Variants in CCDC171 observed in about 807,000 individuals in gnomAD.
CCDC171 encodes the protein coiled-coil domain-containing protein 171.
In CCDC171, 177 loss-of-function variants were observed where a neutral mutation model predicts 168.2. That is an observed-to-expected ratio of 1.05 (90% CI 0.93 to 1.19). The LOEUF (loss-of-function observed/expected upper bound fraction) is 1.19, where lower values mean the gene tolerates loss of function less well. CCDC171 is among the 50% of genes most tolerant of loss of function. CCDC171 has a pLI of 0.00. For synonymous variants in CCDC171, 687 were observed against 540.8 expected, an observed-to-expected ratio of 1.27 and a Z score of -3.75; for missense variants, 1,991 against 1,539.0, an observed-to-expected ratio of 1.29 and a Z score of -4.91.
At chr9:15,776,249 C>T (rs555165265) in intron 18 of CCDC171, 9 of 152,176 alleles carry the variant, frequency 5.9e-5, no homozygotes, top group East Asian at 3.9e-4. Context: ...TTCTCTGTAT[C>T]GTTCCAATTT....
At chr9:15,960,313 T>A (rs1830219876) in intron 25 of CCDC171, among the ~76,000 whole-genome samples, 1 of 152,150 alleles carries the variant, frequency 6.6e-6, no homozygotes, top group South Asian at 2.1e-4. Context: ...TTAATTCACT[T>A]TTGTATTCCA....
rs2038479992 is a variant in CCDC171, at chr9:15,553,225, G to A, written c.-189G>A. 1 of 153,142 alleles carries A rather than the reference G, an allele frequency of 6.5e-6. No individual in the cohort carries two copies. The highest frequency in any genetic ancestry group is 1.5e-5 in the Non-Finnish European group (1 of 68,864). The allele number at this position is 153,142 out of a possible 1,614,324, so 9.5% of individuals were successfully genotyped here. On this transcript the variant is annotated 5_prime_UTR_variant, in exon 1 of 26. Coordinates refer to ENST00000380701, the MANE Select transcript of CCDC171 (RefSeq NM_173550.4). The stretch of plus-strand genomic sequence containing the variant: ...TGCTCTTATTCCCGTGGGCTGCCTG[G>A]GCCTCCTTTCACCCGTGAGACTTGG...
intron 8 of CCDC171, among the ~76,000 whole-genome samples, chr9:15,664,846 G>A (rs1022507983): frequency 1.3e-5 from 2 of 151,588 alleles, no homozygotes; most frequent in East Asian, 2.0e-4. Context: ...TTACAGGCAC[G>A]CACCACCACG....
At chr9:16,082,825 G>T in the CCDC171 span, among the ~76,000 whole-genome samples, 4 of 152,178 alleles carry the variant, frequency 2.6e-5, no homozygotes, top group African/African-American at 9.7e-5. Flanking sequence ...TTCCGAGAAA[G>T]CTTTGGTTTT....
In CCDC171 at chr9:15,598,359, C is replaced by T. The variant is rs535224895; in HGVS notation, c.675+4187C>T. Reference sequence around the variant, plus strand: ...TTCTGGTATGTTGTGTCTTTGTTCTCGTTGGTTTCAAAGAACATCTTTTTT... The same window carrying T: ...TTCTGGTATGTTGTGTCTTTGTTCTTGTTGGTTTCAAAGAACATCTTTTTT... On this transcript the variant is annotated intron_variant, in intron 6 of 25. Transcript: ENST00000380701. 2.0e-4 allele frequency among the ~76,000 whole-genome samples: 30 copies of T among 152,102 alleles called. No homozygotes were observed. The East Asian group carries it at 3.7e-3, about 19-fold the overall frequency.
At chr9:15,676,462 C>T (rs1045792251) in intron 9 of CCDC171, among the ~76,000 whole-genome samples, 1 of 151,704 alleles carries the variant, frequency 6.6e-6, no homozygotes, top group African/African-American at 2.4e-5. Context: ...AGAAATCACC[C>T]ATCTTCTGCG....
the CCDC171 span, among the ~76,000 whole-genome samples, chr9:16,072,384 T>C: frequency 6.6e-6 from 1 of 152,230 alleles, no homozygotes; most frequent in Non-Finnish European, 1.5e-5. Context: ...GGCTGTTTTT[T>C]AAACTCAATA....
chr9:15,839,552 C>G (rs139262641), intron 21 of CCDC171, among the ~76,000 whole-genome samples: 2 of 152,106 alleles, frequency 1.3e-5, no homozygotes, highest in Non-Finnish European at 2.9e-5. Context: ...ATATACCTCA[C>G]TGGATTATAA....
intron 24 of CCDC171, among the ~76,000 whole-genome samples, chr9:15,915,049 A>G (rs778487444): frequency 2.0e-5 from 3 of 152,214 alleles, no homozygotes; most frequent in East Asian, 1.9e-4. Context: ...CACCTTCTGC[A>G]TTGGTCTTGC....
chr9:16,026,748 T>TA (rs956518027), intron 6 of CCDC171, among the ~76,000 whole-genome samples: 2 of 152,032 alleles, frequency 1.3e-5, no homozygotes, highest in African/African-American at 4.8e-5. Flanking sequence ...TATAACTAGG[T>TA]AAAAAAGAAA....
intron 1 of CCDC171, among the ~76,000 whole-genome samples, chr9:15,559,977 T>G (rs1361671682): frequency 6.6e-6 from 1 of 152,158 alleles, no homozygotes; most frequent in Non-Finnish European, 1.5e-5. Flanking sequence ...ATTTTATTTC[T>G]CCTTCACTTA....
At chr9:15,668,959 T>G (rs75002592) in intron 9 of CCDC171, among the ~76,000 whole-genome samples, 64 of 152,318 alleles carry the variant, frequency 4.2e-4, no homozygotes, top group African/African-American at 1.5e-3. Context: ...TACCTTTAAC[T>G]TACAACTTTG....
At chr9:16,021,089 CA>C (rs1833148111) in intron 4 of CCDC171, among the ~76,000 whole-genome samples, 1 of 152,080 alleles carries the variant, frequency 6.6e-6, no homozygotes, top group African/African-American at 2.4e-5. Context: ...TTCAATAAGA[CA>C]ATTTTTGTTT....
intron 1 of CCDC171, among the ~76,000 whole-genome samples, chr9:16,060,475 C>T (rs962763308): frequency 3.3e-5 from 5 of 152,242 alleles, no homozygotes; most frequent in Admixed American, 6.5e-5. Flanking sequence ...GGCCTCAGCC[C>T]GCTTGCTGCC....
At chr9:15,980,827 T>G (rs1000692267) in intron 3 of CCDC171, among the ~76,000 whole-genome samples, 3 of 149,768 alleles carry the variant, frequency 2.0e-5, no homozygotes, top group African/African-American at 7.4e-5. Flanking sequence ...ACCCAATTTG[T>G]ATATAGAAAC....
At chr9:15,557,147 TGTA>T (rs2038875249) in intron 1 of CCDC171, among the ~76,000 whole-genome samples, 1 of 152,158 alleles carries the variant, frequency 6.6e-6, no homozygotes, top group South Asian at 2.1e-4. Context: ...ACTGTAGCCT[TGTA>T]GTATAGTTTG....
intron 6 of CCDC171, 42 bp from the exon 7 acceptor site, chr9:15,623,225 G>A (rs747196228): frequency 1.4e-6 from 2 of 1,469,046 alleles, no homozygotes; most frequent in African/African-American, 1.4e-5. Flanking sequence ...AGTCATTGAT[G>A]GCTTATAAAC....
chr9:15,767,263 G>T (rs894638754), intron 18 of CCDC171, among the ~76,000 whole-genome samples: 62 of 152,232 alleles, frequency 4.1e-4, no homozygotes, highest in African/African-American at 1.5e-3. Context: ...TATTCCTTCC[G>T]GAGGCTGTAA....
At chr9:16,060,786 G>T (rs1443452704) in exon 2 of CCDC171, 3 of 152,232 alleles carry the variant, frequency 2.0e-5, no homozygotes, top group Non-Finnish European at 2.9e-5. Flanking sequence ...AAAAAGACCT[G>T]AACTTCAGAG....
Sources: allele counts gnomAD v4.1 joint callset (sites outside exome capture counted in the v4.1 genomes callset), GRCh38; gene constraint gnomAD v4.1.1; transcripts MANE v1.5; gene names NCBI Gene and HGNC (gene_info 2026-07-23, HGNC 2026-07-21).